The following MYO6 variants were observed in gnomAD, a reference collection of about 807,000 sequenced individuals.
The protein encoded by MYO6 is unconventional myosin-VI.
A neutral mutation model predicts 178.7 loss-of-function variants in MYO6; 74 were observed. The ratio of observed to expected loss-of-function variants is 0.41; its 90% CI spans 0.34 to 0.50. The LOEUF is 0.50. Ranked by LOEUF, MYO6 falls within the 20% of genes least tolerant of loss-of-function variation. The pLI, the probability that MYO6 is intolerant of heterozygous loss-of-function variation, is 0.09. For missense variants in MYO6, 1,330 were observed against 1,547.4 expected (o/e 0.86, Z 2.36); for synonymous variants, 477 against 504.6 (o/e 0.95, Z 0.73).
rs145652615 is a variant in MYO6, at chr6:75,917,953, G to A, written c.*2941G>A. On this transcript the variant is annotated 3_prime_UTR_variant, in exon 35 of 35. Transcript: ENST00000369977. ...GAATAAATATTTATTGAATCAATCAGTCAGCCAATTAATATGATGTTAGTG... is the reference window on the plus strand; with the variant it reads ...GAATAAATATTTATTGAATCAATCAATCAGCCAATTAATATGATGTTAGTG... The A allele has an allele frequency of 1.3e-5, 2 of 152,566 alleles. No homozygotes were observed. Among genetic ancestry groups the A allele is most frequent in the East Asian group, 3.9e-4 (2 of 5,186 alleles). The allele number at this position is 152,566 out of a possible 1,614,324, so 9.5% of individuals were successfully genotyped here. A position where few individuals can be genotyped will look rare whatever the true frequency, so the allele number is the denominator to read the frequency against.
chr6:75,808,351 G>A (rs139242396), intron 1 of MYO6, among the ~76,000 whole-genome samples: 139 of 152,168 alleles, frequency 9.1e-4, no homozygotes, highest in African/African-American at 3.2e-3. Context: ...GCCTTTCCAT[G>A]GTGCATGTAC....
In MYO6 at chr6:75,787,685, T is replaced by TATATATATGGGGGAATGGAA. The variant is rs1562157757; in HGVS notation, c.-47-29816_-47-29815insATATATATGGGGGAATGGAA. ...TGGGGGAATGGAACTATTCTCTCTC[T>TATATATATGGGGGAATGGAA]CTCTCTCTCTCTCTCTCTCTCTCTC... is the stretch of plus-strand genomic sequence containing the variant. On this transcript the variant is annotated intron_variant, in intron 1 of 34. Coordinates refer to ENST00000369977, the MANE Select transcript of MYO6 (RefSeq NM_004999.4). 6.1e-4 allele frequency among the ~76,000 whole-genome samples: 9 copies of TATATATATGGGGGAATGGAA among 14,864 alleles called. No individual in the cohort carries two copies. The East Asian group carries it at 0.011, about 17-fold the overall frequency. The allele number at this position is 14,864 out of a possible 152,430, so 9.8% of individuals were successfully genotyped here.
rs138501303 is a variant in MYO6, at chr6:75,915,142, C to T, written c.*130C>T. 4.3e-4 allele frequency: 415 copies of T among 957,252 alleles called. No homozygotes were observed. In the African/African-American group the frequency reaches 5.8e-3, roughly 13 times the overall value. 59.3% of individuals were successfully genotyped at this position (957,252 alleles called of 1,614,324 possible). On this transcript the variant is annotated 3_prime_UTR_variant, in exon 35 of 35. Transcript: ENST00000369977. ...TAAAGTGAACAGATTTTATTAATCA[C>T]GGCTTTTGGTGAATTTGTTTAAGGT...
At chr6:75,805,825 A>G (rs1770021434) in intron 1 of MYO6, among the ~76,000 whole-genome samples, 1 of 152,210 alleles carries the variant, frequency 6.6e-6, no homozygotes, top group African/African-American at 2.4e-5. Context: ...TGCAAAGTAT[A>G]TGTAGTTAGA....
At chr6:75,853,974 A>G (rs1290589692) in intron 11 of MYO6, among the ~76,000 whole-genome samples, 1 of 152,198 alleles carries the variant, frequency 6.6e-6, no homozygotes, top group Non-Finnish European at 1.5e-5. Context: ...AACTGTGCAC[A>G]AAGAGAATAA....
chr6:75,901,911 T>A (rs953798458), intron 30 of MYO6, among the ~76,000 whole-genome samples: 57 of 152,316 alleles, frequency 3.7e-4, no homozygotes, highest in African/African-American at 1.3e-3. Context: ...CAATACCTAA[T>A]TTATTGAGAG....
intron 16 of MYO6, among the ~76,000 whole-genome samples, chr6:75,864,793 AAAAT>A (rs1283956027): frequency 6.6e-5 from 10 of 152,228 alleles, no homozygotes; most frequent in African/African-American, 2.2e-4. Flanking sequence ...GTATTTTTTG[AAAAT>A]AAATAAAATA....
chr6:75,820,557 G>A (rs532636495), intron 2 of MYO6, among the ~76,000 whole-genome samples: 232 of 152,204 alleles, frequency 1.5e-3, no homozygotes, highest in Non-Finnish European at 2.9e-3. Context: ...TTTTAGTAGA[G>A]ATGGGGTTTC....
intron 1 of MYO6, among the ~76,000 whole-genome samples, chr6:75,754,293 G>A (rs1181511877): frequency 1.3e-5 from 2 of 152,012 alleles, no homozygotes; most frequent in Non-Finnish European, 2.9e-5. Context: ...GGCCAAGGTG[G>A]GTGGATCACC....
intron 15 of MYO6, among the ~76,000 whole-genome samples, chr6:75,861,993 T>C (rs1159661075): frequency 6.6e-6 from 1 of 152,180 alleles, no homozygotes; most frequent in Non-Finnish European, 1.5e-5. Context: ...GCCCTACCAC[T>C]AATTACCCAA....
rs876657909 is a variant in MYO6, at chr6:75,886,094, G to A, written c.2507G>A (p.Arg836His). The A allele has an allele frequency of 3.8e-6, 6 of 1,598,236 alleles. No individual in the cohort carries two copies. Among genetic ancestry groups the A allele is most frequent in the Non-Finnish European group, 5.1e-6 (6 of 1,166,212 alleles). Residue 836 changes from arginine (R) to histidine (H), a missense_variant and splice_region_variant, in exon 24 of 35, where the codon CGC becomes CAC. This residue lies in a region of MYO6 where 601 missense variants were observed against 626.1 expected (regional missense o/e 0.96). Coordinates refer to ENST00000369977, the MANE Select transcript of MYO6 (RefSeq NM_004999.4). ...MWLCKRRHKPRIDGLVKVGTL... is the reference protein window; with the variant it reads ...MWLCKRRHKPHIDGLVKVGTL... ...CTTTGCAAGAGGAGACACAAACCTC[G>A]GTAAGATGAATAGTTCCTAAAAAGA...
chr6:75,907,438 C>A (rs1387567892), intron 30 of MYO6, among the ~76,000 whole-genome samples, 167 bp from the exon 31 acceptor site: 1 of 152,062 alleles, frequency 6.6e-6, no homozygotes, highest in Admixed American at 6.6e-5. Flanking sequence ...ATTTATTTGG[C>A]CATCTTTTAG....
intron 30 of MYO6, among the ~76,000 whole-genome samples, chr6:75,904,637 T>C (rs940028535): frequency 2.6e-5 from 4 of 152,208 alleles, no homozygotes; most frequent in Non-Finnish European, 4.4e-5. Flanking sequence ...TTCTAAATTT[T>C]TTTCAAAGTT....
At position 75,886,888 on chromosome 6, in the gene MYO6, A is replaced by C. The variant is rs142423106; in HGVS notation, c.2552A>C (p.Asp851Ala). ...VKVGTLKKRL[D>A]KFNEVVSVLK... ...GTGGGCACACTGAAAAAACGACTTG[A>C]TAAATTTAATGAGGTAGTCAGTGTG... Residue 851 changes from aspartate (D) to alanine (A), a missense_variant, in exon 25 of 35, where the codon GAT becomes GCT. Coordinates refer to ENST00000369977, the MANE Select transcript of MYO6 (RefSeq NM_004999.4). The C allele has an allele frequency of 4.2e-5, 67 of 1,613,736 alleles. No homozygotes were observed. The highest frequency in any genetic ancestry group is 5.0e-5 in the Non-Finnish European group (59 of 1,179,880).
At chr6:75,760,865 C>G (rs1777883035) in intron 1 of MYO6, among the ~76,000 whole-genome samples, 1 of 151,890 alleles carries the variant, frequency 6.6e-6, no homozygotes, top group Admixed American at 6.6e-5. Context: ...ATTTGAGGCT[C>G]TTAGTTTTTC....
intron 1 of MYO6, among the ~76,000 whole-genome samples, chr6:75,802,874 A>G (rs1769628657): frequency 1.3e-5 from 2 of 152,172 alleles, no homozygotes; most frequent in African/African-American, 4.8e-5. Flanking sequence ...GTCACAGCAT[A>G]TGGAATATTT....
At chr6:75,818,296 T>C (rs1771492984) in intron 2 of MYO6, among the ~76,000 whole-genome samples, 1 of 152,210 alleles carries the variant, frequency 6.6e-6, no homozygotes, top group African/African-American at 2.4e-5. Context: ...GAAGGCATCA[T>C]TGTAAATACC....
rs1003972508 is a variant in MYO6, at chr6:75,916,435, T to A, written c.*1423T>A. The A allele has an allele frequency of 2.0e-5, 3 of 152,660 alleles. No homozygotes were observed. Among genetic ancestry groups the A allele is most frequent in the Admixed American group, 1.3e-4 (2 of 15,278 alleles). 9.5% of individuals were successfully genotyped at this position (152,660 alleles called of 1,614,324 possible). A position where few individuals can be genotyped will look rare whatever the true frequency, so the allele number is the denominator to read the frequency against. On this transcript the variant is annotated 3_prime_UTR_variant, in exon 35 of 35. Transcript: ENST00000369977. ...AGAAATATTTATTTATTATGATACA[T>A]TCAAATGATTGTCAAGTTAAATTAA...
chr6:75,871,517 T>A (rs775422964), intron 19 of MYO6, among the ~76,000 whole-genome samples: 2 of 152,238 alleles, frequency 1.3e-5, no homozygotes, highest in Non-Finnish European at 2.9e-5. Context: ...CTCAAAGTGC[T>A]GGCATTTCAG....
Sources: gnomAD v4.1 joint callset for allele counts (sites outside exome capture counted in the v4.1 genomes callset) on GRCh38, gnomAD v4.1.1 for gene constraint, gnomAD v4.1.1 regional missense constraint, MANE v1.5 for transcripts, NCBI Gene and HGNC (gene_info 2026-07-23, HGNC 2026-07-21) for gene names.